TNFAIP2: variants seen among roughly 807,000 people sequenced by gnomAD.
TNFAIP2 encodes the protein tumor necrosis factor alpha-induced protein 2.
TNFAIP2 carries 47 observed loss-of-function variants against 63.5 expected under a neutral mutation model. That is an observed-to-expected ratio of 0.74 (90% CI 0.59 to 0.94). TNFAIP2 has a LOEUF of 0.94. TNFAIP2 is among the 40% of genes least tolerant of loss of function. The pLI is 0.00. For synonymous variants in TNFAIP2, 405 were observed against 390.2 expected (o/e 1.04, Z -0.45); for missense variants, 787 against 850.2 (o/e 0.93, Z 0.92).
Position 103,126,605 on chromosome 14 carries a change from G to C in TNFAIP2, c.148G>C (p.Gly50Arg). ...LANVFCVFTKGKKKKGQPSSA... is the reference protein window; with the variant it reads ...LANVFCVFTKRKKKKGQPSSA... ...CAATGTGTTCTGCGTCTTCACCAAA[G>C]GGAAGAAGAAGAAGGGTCAGCCCAG... The change falls in exon 2 of 12, where the codon GGG (glycine) becomes CGG (arginine). Residue 50 changes from glycine (G) to arginine (R), a missense_variant. Gly to Arg is a moderately radical substitution (Grantham distance 125, BLOSUM62 -2). Coordinates refer to ENST00000560869, the MANE Select transcript of TNFAIP2 (RefSeq NM_006291.4). The C allele has an allele frequency of 6.4e-7, 1 of 1,554,242 alleles. No homozygotes were observed. The highest frequency in any genetic ancestry group is 8.7e-7 in the Non-Finnish European group (1 of 1,148,702).
In TNFAIP2 at chr14:103,135,885, G is replaced by C. The variant is rs1227652384; in HGVS notation, c.*525G>C. On this transcript the variant is annotated 3_prime_UTR_variant, in exon 12 of 12. Coordinates refer to ENST00000560869, the MANE Select transcript of TNFAIP2 (RefSeq NM_006291.4). The surrounding 1 kb of genome is among the most constrained non-coding windows in gnomAD (Gnocchi z 7.6). ...TGGAAGAGAAAGAAGGAAAAGATGAGCTCTCGTCTGGCAGGGGCTTTTAGG... is the reference window on the plus strand; with the variant it reads ...TGGAAGAGAAAGAAGGAAAAGATGACCTCTCGTCTGGCAGGGGCTTTTAGG... 1 of 1,290,132 alleles carries C rather than the reference G, an allele frequency of 7.8e-7. No individual in the cohort carries two copies. Among genetic ancestry groups the C allele is most frequent in the Admixed American group, 2.3e-5 (1 of 43,588 alleles). 79.9% of individuals were successfully genotyped at this position (1,290,132 alleles called of 1,614,324 possible). A position where few individuals can be genotyped will look rare whatever the true frequency, so the allele number is the denominator to read the frequency against.
chr14:103,134,379 A>G (rs553995502), intron 11 of TNFAIP2, among the ~76,000 whole-genome samples: 3 of 152,244 alleles, frequency 2.0e-5, no homozygotes, highest in Admixed American at 2.0e-4. Context: ...ACAAGCACCC[A>G]TCTGCTCATC....
intron 11 of TNFAIP2, 60 bp downstream of exon 11, chr14:103,133,863 G>A: frequency 6.6e-7 from 1 of 1,526,070 alleles, no homozygotes. Flanking sequence ...GCCTCACAGG[G>A]CTGGCATTGG....
chr14:103,129,987 C>T lies in TNFAIP2; in HGVS notation c.976-15C>T, dbSNP rs2087937031. ...TGAGGGATAGTGCCCCAGTGACCTG[C>T]CCCTCCTCCTCCAGGCCAATGTGAG... is the stretch of plus-strand genomic sequence containing the variant. On this transcript the variant is annotated splice_polypyrimidine_tract_variant and intron_variant, in intron 4 of 11. Transcript: ENST00000560869. 2.5e-6 allele frequency: 4 copies of T among 1,610,640 alleles called. No homozygotes were observed. Among genetic ancestry groups the T allele is most frequent in the East Asian group, 2.2e-5 (1 of 44,860 alleles).
Position 103,136,272 on chromosome 14 carries a change from C to A in TNFAIP2, c.*912C>A. ...TGCCGTGACAGGTTTCCACAAACTT[C>A]GTGGATCAAAACGAGGTCTTCCAGT... On this transcript the variant is annotated 3_prime_UTR_variant, in exon 12 of 12. Coordinates refer to ENST00000560869, the MANE Select transcript of TNFAIP2 (RefSeq NM_006291.4). The A allele has an allele frequency of 4.8e-6, 1 of 209,138 alleles. No individual in the cohort carries two copies. The highest frequency in any genetic ancestry group is 9.9e-6 in the Non-Finnish European group (1 of 101,024). 13.0% of individuals were successfully genotyped at this position (209,138 alleles called of 1,614,324 possible).
rs1595283534 is a variant in TNFAIP2 at position 103,131,202 on chromosome 14, A to G, written c.1298+52A>G. 6.3e-7 allele frequency: 1 copy of G among 1,594,930 alleles called. No individual in the cohort carries two copies. The highest frequency in any genetic ancestry group is 2.2e-5 in the East Asian group (1 of 44,724). On this transcript the variant is annotated intron_variant, in intron 7 of 11. Coordinates refer to ENST00000560869, the MANE Select transcript of TNFAIP2 (RefSeq NM_006291.4). This position sits in a 1 kb window ranked among gnomAD's most constrained non-coding sequence, Gnocchi z 4.0. ...GAGTGGGAGTCACTCAGCGGGCAGG[A>G]GAGGGGAGCTGGAAGGTGGAGGGAG...
Position 103,136,098 on chromosome 14 carries a change from C to G in TNFAIP2, c.*738C>G. The G allele has an allele frequency of 9.2e-7, 1 of 1,092,636 alleles. No homozygotes were observed. The highest frequency in any genetic ancestry group is 1.6e-5 in the African/African-American group (1 of 60,858). The allele number at this position is 1,092,636 out of a possible 1,614,324, so 67.7% of individuals were successfully genotyped here. A position where few individuals can be genotyped will look rare whatever the true frequency, so the allele number is the denominator to read the frequency against. On this transcript the variant is annotated 3_prime_UTR_variant, in exon 12 of 12. Coordinates refer to ENST00000560869, the MANE Select transcript of TNFAIP2 (RefSeq NM_006291.4). ...AAGGGCCCAAGACCTCCTGGGTCCT[C>G]TCAGGCTCCCCCTTCCCCAAGGCAG...
Position 103,130,002 on chromosome 14 carries a change from G to T in TNFAIP2, c.976G>T (p.Ala326Ser). The change falls in exon 5 of 12, where the codon GCC becomes TCC. Residue 326 changes from alanine to serine, a missense_variant and splice_region_variant. Ala to Ser is a moderately conservative substitution (Grantham distance 99, BLOSUM62 1). Around this residue, in one of 3 missense-constraint regions of TNFAIP2, gnomAD observed 523 missense variants for 604.1 expected, o/e 0.87. Transcript: ENST00000560869. ...CAGTGACCTGCCCCTCCTCCTCCAG[G>T]CCAATGTGAGGGAGTTGATGGACCG... ...LEATFLSSEA[A>S]NVRELMDRAL... 1 of 1,611,486 alleles carries T rather than the reference G, an allele frequency of 6.2e-7. No homozygotes were observed.
At chr14:103,134,006 A>G (rs558494092) in intron 11 of TNFAIP2, among the ~76,000 whole-genome samples, 1 of 152,332 alleles carries the variant, frequency 6.6e-6, no homozygotes, top group East Asian at 1.9e-4. Context: ...AGGCCTGGAG[A>G]GCTCACAGGA....
upstream of TNFAIP2, chr14:103,123,050 G>C: frequency 3.9e-6 from 1 of 254,502 alleles, no homozygotes; most frequent in Non-Finnish European, 8.3e-6. Flanking sequence ...GGGGCGGCTG[G>C]GGAGTTGGGG....
In TNFAIP2 at chr14:103,126,296, C is replaced by T. The variant is rs774878772; in HGVS notation, c.-148-14C>T. The T allele has an allele frequency of 1.2e-5, 7 of 598,702 alleles. No homozygotes were observed. Among genetic ancestry groups the T allele is most frequent in the Non-Finnish European group, 1.5e-5 (5 of 335,412 alleles). The allele number at this position is 598,702 out of a possible 1,614,324, so 37.1% of individuals were successfully genotyped here. ...TCCATGGTGACCACTGATGCCTTCA[C>T]CCCCACCCCGCAGGAGCCTGCAGGC... On this transcript the variant is annotated splice_polypyrimidine_tract_variant and intron_variant, in intron 1 of 11. Coordinates refer to ENST00000560869, the MANE Select transcript of TNFAIP2 (RefSeq NM_006291.4).
chr14:103,127,649 G>C lies in TNFAIP2; in HGVS notation c.860+20G>C. ...CCCCAAGTGAGCAGACCAGGGGCTG[G>C]GCCCGGGCCGGCAGGGAGGGTGTCC... On this transcript the variant is annotated intron_variant, in intron 3 of 11. Transcript: ENST00000560869. This position sits in a 1 kb window ranked among gnomAD's most constrained non-coding sequence, Gnocchi z 5.1. 6.9e-7 allele frequency: 1 copy of C among 1,446,276 alleles called. No homozygotes were observed. Among genetic ancestry groups the C allele is most frequent in the Non-Finnish European group, 9.1e-7 (1 of 1,097,272 alleles). The allele number at this position is 1,446,276 out of a possible 1,614,324, so 89.6% of individuals were successfully genotyped here.
Position 103,133,367 on chromosome 14 carries a change from C to T in TNFAIP2, c.1551C>T (p.Leu517=), listed in dbSNP as rs1429229180. 2.5e-6 allele frequency: 4 copies of T among 1,613,336 alleles called. No homozygotes were observed. The highest frequency in any genetic ancestry group is 1.7e-5 in the Admixed American group (1 of 59,998). Residue 517 remains leucine (L), a synonymous_variant, in exon 10 of 12, where the codon CTC becomes CTT. Coordinates refer to ENST00000560869, the MANE Select transcript of TNFAIP2 (RefSeq NM_006291.4). The part of the protein sequence containing the change: ...SELQGCFREE[L]MEALHLHLVK... The stretch of plus-strand genomic sequence containing the variant: ...CTGGCTGCTTGCCCTCCCAGGAGCT[C>T]ATGGAGGCCTTGCACCTGCACCTGG...
chr14:103,126,189 C>A, intron 1 of TNFAIP2, 121 bp from the exon 2 acceptor site: 1 of 299,692 alleles, frequency 3.3e-6, no homozygotes, highest in Non-Finnish European at 6.3e-6. Context: ...AGCAGAGCCC[C>A]GGTGGCTGAA....
At chr14:103,125,574 G>GTGGGAGCC (rs2087835939) in intron 1 of TNFAIP2, among the ~76,000 whole-genome samples, 1 of 152,202 alleles carries the variant, frequency 6.6e-6, no homozygotes, top group Non-Finnish European at 1.5e-5. Context: ...TTGGGAGGGG[G>GTGGGAGCC]TGGGAGCCAG....
intron 3 of TNFAIP2, among the ~76,000 whole-genome samples, chr14:103,128,581 G>A (rs948914819): frequency 3.3e-5 from 5 of 152,176 alleles, no homozygotes; most frequent in African/African-American, 9.7e-5. Context: ...TATAGACAGT[G>A]TGGGCAGTGT....
chr14:103,133,719 C>CT lies in TNFAIP2; in HGVS notation c.1739_1740insT (p.Leu581AlafsTer16). The CT allele has an allele frequency of 6.3e-7, 1 of 1,595,770 alleles. No individual in the cohort carries two copies. The highest frequency in any genetic ancestry group is 8.5e-7 in the Non-Finnish European group (1 of 1,175,408). ...ACCTGGCTGCAGCCTGCTCTCCCTACGCTGGCCGAGATCATTCGCCTGCAG... is the reference window on the plus strand; with the variant it reads ...ACCTGGCTGCAGCCTGCTCTCCCTACTGCTGGCCGAGATCATTCGCCTGCAG... On this transcript the variant is annotated frameshift_variant, in exon 11 of 12. Coordinates refer to ENST00000560869, the MANE Select transcript of TNFAIP2 (RefSeq NM_006291.4). LOFTEE classifies it high-confidence loss of function.
At chr14:103,125,521 G>T (rs2234122) in intron 1 of TNFAIP2, among the ~76,000 whole-genome samples, 1 of 152,206 alleles carries the variant, frequency 6.6e-6, no homozygotes, top group Non-Finnish European at 1.5e-5. Context: ...ACCCAGGAAG[G>T]CTGCAGAAAC....
At chr14:103,122,768 G>C (rs1030658765), upstream of TNFAIP2, 6 of 454,824 alleles carry the variant, frequency 1.3e-5, no homozygotes, top group Non-Finnish European at 2.7e-5. Context: ...CCCAGCCCCA[G>C]AGGGGGAAAG....
Sources: allele counts gnomAD v4.1 joint callset (sites outside exome capture counted in the v4.1 genomes callset), GRCh38; gene constraint gnomAD v4.1.1; regional missense constraint gnomAD v4.1.1; non-coding constraint Gnocchi (gnomAD v3.1); transcripts MANE v1.5; gene names NCBI Gene and HGNC (gene_info 2026-07-23, HGNC 2026-07-21).